SFI1: variants seen among roughly 807,000 people sequenced by gnomAD.
SFI1 encodes protein SFI1 homolog.
Under a neutral mutation model 207.5 loss-of-function variants are expected in SFI1, and 195 were observed. That is an observed-to-expected ratio of 0.94 (90% CI 0.84 to 1.06). SFI1 has a LOEUF of 1.06. SFI1 is among the 50% of genes least tolerant of loss of function. The pLI is 0.00. For synonymous variants in SFI1, 630 were observed against 598.9 expected (o/e 1.05, Z -0.76); for missense variants, 1,634 against 1,588.0 (o/e 1.03, Z -0.49).
chr22:31,562,437 CAAAAAA>C (rs528463423), intron 8 of SFI1, among the ~76,000 whole-genome samples: 1 of 99,998 alleles, frequency 1.0e-5, no homozygotes. Context: ...GGCCCTGTCT[CAAAAAA>C]AAAAAAAAAA....
At chr22:31,602,341 C>G in intron 16 of SFI1, 48 bp downstream of exon 16, 1 of 1,556,004 alleles carries the variant, frequency 6.4e-7, no homozygotes, top group Non-Finnish European at 8.8e-7. Context: ...GGATCTGATT[C>G]AAGCCATTGC....
At chr22:31,592,716 G>A (rs2066216680) in intron 15 of SFI1, among the ~76,000 whole-genome samples, 2 of 95,672 alleles carry the variant, frequency 2.1e-5, no homozygotes, top group East Asian at 3.3e-4. Flanking sequence ...TGGGGCGGCT[G>A]GTTGGGCAGA....
chr22:31,588,345 T>A (rs2065311724), intron 14 of SFI1, among the ~76,000 whole-genome samples: 1 of 152,164 alleles, frequency 6.6e-6, no homozygotes, highest in Non-Finnish European at 1.5e-5. Flanking sequence ...AGTGTTCCAG[T>A]GAACAAGTCA....
chr22:31,581,669 G>A (rs2064196346), intron 12 of SFI1, among the ~76,000 whole-genome samples: 1 of 151,896 alleles, frequency 6.6e-6, no homozygotes, highest in African/African-American at 2.4e-5. Context: ...ACAATGGTTT[G>A]TTTACTTGAT....
chr22:31,508,490 G>A (rs751024672), intron 2 of SFI1, 114 bp downstream of exon 2: 1 of 681,922 alleles, frequency 1.5e-6, no homozygotes, highest in Non-Finnish European at 2.4e-6. Flanking sequence ...CTGTGGGTAA[G>A]TTTTTTTTGT....
intron 27 of SFI1, 199 bp downstream of exon 27, chr22:31,614,054 C>A: frequency 1.4e-6 from 1 of 696,638 alleles, no homozygotes; most frequent in Non-Finnish European, 2.2e-6. Flanking sequence ...GTGGGATTTC[C>A]AAACCCTCTC....
intron 2 of SFI1, among the ~76,000 whole-genome samples, chr22:31,524,164 T>C (rs549945323): frequency 2.5e-3 from 375 of 152,148 alleles, no homozygotes; most frequent in Non-Finnish European, 3.6e-3. Flanking sequence ...ATGGCGCCAT[T>C]GCACTCCAGC....
At chr22:31,552,504 G>A (rs1456650252) in intron 6 of SFI1, among the ~76,000 whole-genome samples, 1 of 152,072 alleles carries the variant, frequency 6.6e-6, no homozygotes, top group Non-Finnish European at 1.5e-5. Context: ...TGCCTGCCTC[G>A]GCCTCCCAAA....
intron 2 of SFI1, among the ~76,000 whole-genome samples, chr22:31,510,876 C>T (rs576330424): frequency 6.6e-6 from 1 of 152,150 alleles, no homozygotes; most frequent in African/African-American, 2.4e-5. Context: ...TGGTAAATGT[C>T]CTCTCTTTCA....
intron 22 of SFI1, among the ~76,000 whole-genome samples, chr22:31,609,885 C>G (rs1307847501): frequency 3.3e-5 from 5 of 152,226 alleles, no homozygotes; most frequent in Non-Finnish European, 7.3e-5. Context: ...CAGTTTGGGT[C>G]AGCTGCCTTA....
At chr22:31,603,287 TAGCTG>T (rs2068425657) in intron 17 of SFI1, among the ~76,000 whole-genome samples, 1 of 152,176 alleles carries the variant, frequency 6.6e-6, no homozygotes, top group African/African-American at 2.4e-5. Flanking sequence ...CATATTGTGA[TAGCTG>T]ACTGCTGCAG....
chr22:31,586,999 ATAT>A (rs1258262906), intron 14 of SFI1, among the ~76,000 whole-genome samples: 1 of 152,230 alleles, frequency 6.6e-6, no homozygotes, highest in Non-Finnish European at 1.5e-5. Flanking sequence ...CAAGATAAAA[ATAT>A]TATTTTTTGT....
At chr22:31,576,350 T>C (rs919158457) in intron 10 of SFI1, among the ~76,000 whole-genome samples, 15 of 151,192 alleles carry the variant, frequency 9.9e-5, no homozygotes, top group African/African-American at 3.2e-4. Context: ...AGACAGAGTC[T>C]CGCTCTGTCA....
chr22:31,525,807 T>C (rs2057850172), intron 2 of SFI1, among the ~76,000 whole-genome samples: 1 of 152,214 alleles, frequency 6.6e-6, no homozygotes. Context: ...TTCTGTTCCA[T>C]TGGCCTATGT....
intron 1 of SFI1, among the ~76,000 whole-genome samples, chr22:31,504,250 A>G (rs1297015954): frequency 6.6e-6 from 1 of 152,198 alleles, no homozygotes; most frequent in Non-Finnish European, 1.5e-5. Context: ...ATTTCACGAA[A>G]AATCACTATT....
intron 10 of SFI1, among the ~76,000 whole-genome samples, chr22:31,577,155 A>G (rs962355287): frequency 6.6e-6 from 1 of 152,234 alleles, no homozygotes; most frequent in Admixed American, 6.5e-5. Context: ...TAAATATGGC[A>G]TGATAATTCC....
chr22:31,613,944 T>C, intron 27 of SFI1, 89 bp downstream of exon 27: 1 of 1,436,284 alleles, frequency 7.0e-7, no homozygotes, highest in South Asian at 1.5e-5. Context: ...CCTGACGGGA[T>C]GGGACGGGCT....
intron 6 of SFI1, among the ~76,000 whole-genome samples, chr22:31,553,839 T>G (rs1245452874): frequency 6.4e-5 from 3 of 46,518 alleles, no homozygotes; most frequent in Non-Finnish European, 1.3e-4. Flanking sequence ...ATGGATTATG[T>G]TTTTTTTTTT....
intron 2 of SFI1, among the ~76,000 whole-genome samples, chr22:31,527,282 C>A (rs909324864): frequency 5.9e-5 from 9 of 152,274 alleles, no homozygotes; most frequent in African/African-American, 2.2e-4. Context: ...TTTATAGTTA[C>A]CCCGTGCCCT....
Sources: gnomAD v4.1 joint callset for allele counts (sites outside exome capture counted in the v4.1 genomes callset) on GRCh38, gnomAD v4.1.1 for gene constraint, MANE v1.5 for transcripts, NCBI Gene and HGNC (gene_info 2026-07-23, HGNC 2026-07-21) for gene names.